NET1: variants seen among roughly 807,000 people sequenced by gnomAD.
The protein encoded by NET1 is neuroepithelial cell transforming 1.
A neutral mutation model predicts 61.1 loss-of-function variants in NET1; 42 were observed. The ratio of observed to expected loss-of-function variants is 0.69; its 90% confidence interval spans 0.54 to 0.89. NET1 has a LOEUF of 0.89. Among genes scored for constraint, NET1 ranks in the 40% least tolerant of loss-of-function variants. The pLI is 0.00. For synonymous variants in NET1, 254 were observed against 281.8 expected, an observed-to-expected ratio of 0.90 and a Z score of 0.99; for missense variants, 654 against 747.3, an observed-to-expected ratio of 0.88 and a Z score of 1.46.
chr10:5,433,391 G>T (rs1832378885), intron 3 of NET1, among the ~76,000 whole-genome samples: 1 of 152,180 alleles, frequency 6.6e-6, no homozygotes, highest in Non-Finnish European at 1.5e-5. Flanking sequence ...GGGCTGAGCA[G>T]TTGTGACAGG....
rs1252576286 is a variant in NET1 at position 5,441,943 on chromosome 10, A to G, written c.256-9887A>G. Among the ~76,000 whole-genome samples, 2 of 152,318 alleles carry G rather than the reference A, an allele frequency of 1.3e-5. No individual in the cohort carries two copies. The highest frequency in any genetic ancestry group is 2.9e-5 in the Non-Finnish European group (2 of 68,020). On this transcript the variant is annotated intron_variant, in intron 3 of 11. Transcript: ENST00000355029. The surrounding 1 kb of genome is among the most constrained non-coding windows in gnomAD (Gnocchi z 4.6). ...ACCTATTTTTAGTGAGATACAGAGT[A>G]TATGCTTGTAATCTTGAATTCTAGA...
chr10:5,450,948 T>G (rs1832693126), intron 3 of NET1, among the ~76,000 whole-genome samples: 2 of 152,370 alleles, frequency 1.3e-5, no homozygotes, highest in South Asian at 4.1e-4. Flanking sequence ...TATATATCTT[T>G]CCTTTAAGTT....
At position 5,456,285 on chromosome 10, in the gene NET1, G is replaced by T. The variant is rs4242790; in HGVS notation, c.1384+12G>T. 0.65 allele frequency: 1,023,910 copies of T among 1,579,856 alleles called. 333,444 individuals carry two copies. Among genetic ancestry groups the T allele is most frequent in the Admixed American group, 0.76 (40,789 of 53,650 alleles). ...TAACTCAGAGAAAGGTAAAATGCAG[G>T]CCTTCAATAATTTAAAGAAATAGAA... On this transcript the variant is annotated intron_variant, in intron 11 of 11. Transcript: ENST00000355029. The surrounding 1 kb of genome is among the most constrained non-coding windows in gnomAD (Gnocchi z 7.0).
rs575859172 is a variant in NET1 at position 5,453,100 on chromosome 10, T to C, written c.595-150T>C. The C allele has an allele frequency of 2.9e-5, 21 of 719,946 alleles. No homozygotes were observed. The South Asian group carries it at 3.6e-4, about 12-fold the overall frequency. 44.6% of individuals were successfully genotyped at this position (719,946 alleles called of 1,614,324 possible). A position where few individuals can be genotyped will look rare whatever the true frequency, so the allele number is the denominator to read the frequency against. On this transcript the variant is annotated intron_variant, in intron 6 of 11. Transcript: ENST00000355029. This position sits in a 1 kb window ranked among gnomAD's most constrained non-coding sequence, Gnocchi z 4.9. The stretch of plus-strand genomic sequence containing the variant: ...ATACAAGTATTAGTAAGAGAGTTTA[T>C]TTGGGGATTAATACATACTAATTTA...
chr10:5,446,649 G>A lies in NET1; in HGVS notation c.256-5181G>A, dbSNP rs1208191359. On this transcript the variant is annotated intron_variant, in intron 3 of 11. Transcript: ENST00000355029. The surrounding 1 kb of genome is among the most constrained non-coding windows in gnomAD (Gnocchi z 5.0). ...ACCGCGGCGAGAGGCATGGGCACGT[G>A]GCTGCCGAGGGTGGCCGAGCTCTGG... 1 of 1,307,598 alleles carries A rather than the reference G, an allele frequency of 7.6e-7. No individual in the cohort carries two copies. Among genetic ancestry groups the A allele is most frequent in the African/African-American group, 1.5e-5 (1 of 66,772 alleles). 81.0% of individuals were successfully genotyped at this position (1,307,598 alleles called of 1,614,324 possible). A position where few individuals can be genotyped will look rare whatever the true frequency, so the allele number is the denominator to read the frequency against.
rs746310014 is a variant in NET1 at position 5,451,060 on chromosome 10, G to A, written c.256-770G>A. Among the ~76,000 whole-genome samples, 80 of 152,290 alleles carry A rather than the reference G, an allele frequency of 5.3e-4. No homozygotes were observed. Among genetic ancestry groups the A allele is most frequent in the Admixed American group, 1.2e-3 (19 of 15,296 alleles). ...AAATCTGTTAGTAATAGCTCAAACTGAGTATGTGCCAGGCACTGTTTCAAG... is the reference window on the plus strand; with the variant it reads ...AAATCTGTTAGTAATAGCTCAAACTAAGTATGTGCCAGGCACTGTTTCAAG... On this transcript the variant is annotated intron_variant, in intron 3 of 11. Transcript: ENST00000355029. This position sits in a 1 kb window ranked among gnomAD's most constrained non-coding sequence, Gnocchi z 6.1.
rs551017329 is a variant in NET1, at chr10:5,439,361, G to C, written c.255+10132G>C. ...CCAAATTTTTCTCTTAGTGGTTTTAGAGACCTACTCCACCCCTAGATGAAG... is the reference window on the plus strand; with the variant it reads ...CCAAATTTTTCTCTTAGTGGTTTTACAGACCTACTCCACCCCTAGATGAAG... On this transcript the variant is annotated intron_variant, in intron 3 of 11. Transcript: ENST00000355029. This position sits in a 1 kb window ranked among gnomAD's most constrained non-coding sequence, Gnocchi z 4.8. Among the ~76,000 whole-genome samples, 17 of 152,302 alleles carry C rather than the reference G, an allele frequency of 1.1e-4. No homozygotes were observed. In the South Asian group the frequency reaches 3.1e-3, roughly 28 times the overall value.
In NET1 at chr10:5,427,815, TC is replaced by T. The variant is rs1832281092; in HGVS notation, c.195+1096del. Among the ~76,000 whole-genome samples, 1 of 152,200 alleles carries T rather than the reference TC, an allele frequency of 6.6e-6. No homozygotes were observed. The highest frequency in any genetic ancestry group is 2.4e-5 in the African/African-American group (1 of 41,448). On this transcript the variant is annotated intron_variant, in intron 2 of 11. Coordinates refer to ENST00000355029, the MANE Select transcript of NET1 (RefSeq NM_001047160.3). The surrounding 1 kb of genome is among the most constrained non-coding windows in gnomAD (Gnocchi z 4.1). ...TCATTTCCTAGGGGATAGATTCTGTTCCTTGTTTTCTTTTTTCATAGAATGA... is the reference window on the plus strand; with the variant it reads ...TCATTTCCTAGGGGATAGATTCTGTTCTTGTTTTCTTTTTTCATAGAATGA...
rs1832746009 is a variant in NET1 at position 5,453,641 on chromosome 10, T to TTGACC, written c.768+84_768+85insCCTGA. ...AGTTTCTGATGAATATGAGACAGAT[T>TTGACC]TGATCCCACAACTCTGTTCTACAAA... On this transcript the variant is annotated intron_variant, in intron 8 of 11. Coordinates refer to ENST00000355029, the MANE Select transcript of NET1 (RefSeq NM_001047160.3). The surrounding 1 kb of genome is among the most constrained non-coding windows in gnomAD (Gnocchi z 4.9). 1.7e-6 allele frequency: 2 copies of TTGACC among 1,206,662 alleles called. No individual in the cohort carries two copies. Among genetic ancestry groups the TTGACC allele is most frequent in the African/African-American group, 3.0e-5 (2 of 66,836 alleles). 74.7% of individuals were successfully genotyped at this position (1,206,662 alleles called of 1,614,324 possible).
rs1437294730 is a variant in NET1, at chr10:5,454,911, C to G, written c.1027-37C>G. On this transcript the variant is annotated intron_variant, in intron 9 of 11. Transcript: ENST00000355029. The surrounding 1 kb of genome is among the most constrained non-coding windows in gnomAD (Gnocchi z 8.1). ...GCAGGAAGCAGAATGAGTTAATAAA[C>G]TGAAGCTGCTCTGTCAATTTTATTT... is the stretch of plus-strand genomic sequence containing the variant. The G allele has an allele frequency of 6.3e-7, 1 of 1,596,092 alleles. No individual in the cohort carries two copies. Among genetic ancestry groups the G allele is most frequent in the Admixed American group, 1.7e-5 (1 of 59,726 alleles).
chr10:5,418,200 T>G (rs1367758131), intron 1 of NET1, among the ~76,000 whole-genome samples: 2 of 151,882 alleles, frequency 1.3e-5, no homozygotes, highest in Admixed American at 1.3e-4. Context: ...TACTGTTTTG[T>G]TTTTTTTGAA....
At position 5,453,722 on chromosome 10, in the gene NET1, TTTAAAAAAAAAAAAAAACA is replaced by T. The variant is rs1176923838; in HGVS notation, c.768+163_768+181del. ...CAGTGACATAAGAAGTTACAGTCTG[TTTAAAAAAAAAAAAAAACA>T]CCTTCATTAATGCTATAGGTTCATT... On this transcript the variant is annotated intron_variant, in intron 8 of 11. Transcript: ENST00000355029. The surrounding 1 kb of genome is among the most constrained non-coding windows in gnomAD (Gnocchi z 4.9). Among the ~76,000 whole-genome samples the T allele has an allele frequency of 6.6e-6, 1 of 151,068 alleles. No homozygotes were observed. Among genetic ancestry groups the T allele is most frequent in the Non-Finnish European group, 1.5e-5 (1 of 67,864 alleles).
At chr10:5,418,131 T>C (rs1832111505) in intron 1 of NET1, among the ~76,000 whole-genome samples, 1 of 152,192 alleles carries the variant, frequency 6.6e-6, no homozygotes, top group African/African-American at 2.4e-5. Context: ...GTACTATGCT[T>C]GTCTGGTTTT....
chr10:5,448,649 T>A (rs373815318), intron 3 of NET1, among the ~76,000 whole-genome samples: 1 of 141,224 alleles, frequency 7.1e-6, no homozygotes, highest in African/African-American at 2.6e-5. Context: ...GGCATTTTTT[T>A]GTTTATTCCC....
chr10:5,450,041 G>T (rs1832679552), intron 3 of NET1, among the ~76,000 whole-genome samples: 1 of 145,238 alleles, frequency 6.9e-6, no homozygotes. Context: ...AGGAATGCCT[G>T]TGCTGGCCCC....
At chr10:5,434,136 T>C (rs1832389041) in intron 3 of NET1, among the ~76,000 whole-genome samples, 1 of 152,200 alleles carries the variant, frequency 6.6e-6, no homozygotes, top group African/African-American at 2.4e-5. Flanking sequence ...GTGCAGTAAG[T>C]TTCCTGTATG....
rs543277101 is a variant in NET1, at chr10:5,434,216, C to A, written c.255+4987C>A. Among the ~76,000 whole-genome samples, 58 of 152,312 alleles carry A rather than the reference C, an allele frequency of 3.8e-4. 1 individual carries two copies. The highest frequency in any genetic ancestry group is 1.4e-3 in the African/African-American group (57 of 41,558). On this transcript the variant is annotated intron_variant, in intron 3 of 11. Transcript: ENST00000355029. Reference sequence around the variant, plus strand: ...AGAGCTCCCTCTTGTGTTGTGTTCACAAGGTGATTTTTCAAAGTATGGTTT... The same window carrying A: ...AGAGCTCCCTCTTGTGTTGTGTTCAAAAGGTGATTTTTCAAAGTATGGTTT...
At chr10:5,434,165 G>A (rs924776197) in intron 3 of NET1, among the ~76,000 whole-genome samples, 2 of 152,164 alleles carry the variant, frequency 1.3e-5, no homozygotes, top group African/African-American at 4.8e-5. Flanking sequence ...AATAGGCCAG[G>A]ATAGCCTTTT....
In NET1 at chr10:5,455,052, G is replaced by A. The variant is rs751164978; in HGVS notation, c.1131G>A (p.Arg377=). The change falls in exon 10 of 12, where the codon AGG becomes AGA. Residue 377 remains arginine, a synonymous_variant. Transcript: ENST00000355029. The surrounding 1 kb of genome is among the most constrained non-coding windows in gnomAD (Gnocchi z 6.5). ...DKLEYLDEKQ[R]DPRIEASKVL... ...TGGAGTACCTGGATGAAAAGCAGAG[G>A]GACCCCAGAATCGAAGCGAGCAAAG... is the stretch of plus-strand genomic sequence containing the variant. The A allele has an allele frequency of 6.2e-7, 1 of 1,614,144 alleles. No homozygotes were observed. The highest frequency in any genetic ancestry group is 1.1e-5 in the South Asian group (1 of 91,076).
Sources: gnomAD v4.1 joint callset for allele counts (sites outside exome capture counted in the v4.1 genomes callset) on GRCh38, gnomAD v4.1.1 for gene constraint, Gnocchi (gnomAD v3.1) non-coding constraint, MANE v1.5 for transcripts, NCBI Gene and HGNC (gene_info 2026-07-23, HGNC 2026-07-21) for gene names.